TXNL4B: variants seen among roughly 807,000 people sequenced by gnomAD.
TXNL4B encodes the protein thioredoxin-like protein 4B.
In TXNL4B, 12 loss-of-function variants were observed where a neutral mutation model predicts 13.0. That is an observed-to-expected ratio of 0.92 (90% CI 0.59 to 1.49). The LOEUF (loss-of-function observed/expected upper bound fraction) is 1.49. TXNL4B is among the 40% of genes most tolerant of loss of function. The pLI is 0.00. For missense variants in TXNL4B, 214 were observed against 173.6 expected, an observed-to-expected ratio of 1.23 and a Z score of -1.31; for synonymous variants, 59 against 58.9, an observed-to-expected ratio of 1.00 and a Z score of -0.01.
At chr16:72,090,526 C>A in intron 2 of TXNL4B, 92 bp downstream of exon 2, 1 of 1,361,202 alleles carries the variant, frequency 7.3e-7, no homozygotes, top group South Asian at 1.3e-5. Context: ...ATATACCCAA[C>A]CCTGACTACT....
chr16:72,090,942 CTCCTT>C (rs2041895601), intron 1 of TXNL4B, among the ~76,000 whole-genome samples, 156 bp from the exon 2 acceptor site: 1 of 152,192 alleles, frequency 6.6e-6, no homozygotes, highest in Non-Finnish European at 1.5e-5. Context: ...TTTGTCCCTG[CTCCTT>C]GGAACCAGTT....
Position 72,090,691 on chromosome 16 carries a change from C to CT in TXNL4B, c.58dup (p.Ser20LysfsTer4). ...GAGAACCAACACCTTCTCAGCAGTA[C>CT]TTTTTATCGCCTGGTCTACTTCCTT... On this transcript the variant is annotated frameshift_variant, in exon 2 of 4. Transcript: ENST00000268483. LOFTEE classifies it high-confidence loss of function. The CT allele has an allele frequency of 6.2e-7, 1 of 1,614,198 alleles. No individual in the cohort carries two copies. The highest frequency in any genetic ancestry group is 1.3e-5 in the African/African-American group (1 of 75,058).
chr16:72,090,701 C>G lies in TXNL4B; in HGVS notation c.49G>C (p.Ala17Pro). The change falls in exon 2 of 4, where the codon GCG (alanine) becomes CCG (proline). Residue 17 changes from alanine to proline, a missense_variant. Coordinates refer to ENST00000268483, the MANE Select transcript of TXNL4B (RefSeq NM_017853.3). ...KLTSKKEVDQ[A>P]IKSTAEKVLV... ...ACCTTCTCAGCAGTACTTTTTATCG[C>G]CTGGTCTACTTCCTTTTTGCTAGTC... 1 of 1,614,170 alleles carries G rather than the reference C, an allele frequency of 6.2e-7. No individual in the cohort carries two copies. Among genetic ancestry groups the G allele is most frequent in the Non-Finnish European group, 8.5e-7 (1 of 1,180,046 alleles).
chr16:72,091,446 A>G (rs1454374926), intron 1 of TXNL4B, among the ~76,000 whole-genome samples: 1 of 152,188 alleles, frequency 6.6e-6, no homozygotes, highest in African/African-American at 2.4e-5. Context: ...CTGTTGAGGC[A>G]GGCAAACCTC....
chr16:72,090,010 T>C (rs2041879204), intron 2 of TXNL4B: 1 of 444,564 alleles, frequency 2.2e-6, no homozygotes, highest in Non-Finnish European at 4.5e-6. Flanking sequence ...TAGAATCCTC[T>C]GGTCCTTTTT....
At chr16:72,091,775 G>C (rs1177147956) in intron 1 of TXNL4B, among the ~76,000 whole-genome samples, 1 of 152,230 alleles carries the variant, frequency 6.6e-6, no homozygotes, top group Non-Finnish European at 1.5e-5. Flanking sequence ...TTAAGAGTGT[G>C]TGTGAAAACT....
chr16:72,088,387 A>G (rs1054773948), intron 3 of TXNL4B, among the ~76,000 whole-genome samples: 4 of 152,266 alleles, frequency 2.6e-5, no homozygotes, highest in African/African-American at 9.6e-5. Flanking sequence ...GATGCACCCA[A>G]TCATCAATAT....
intron 3 of TXNL4B, chr16:72,087,444 T>C (rs2144098246): frequency 6.6e-6 from 1 of 152,168 alleles, no homozygotes; most frequent in South Asian, 2.1e-4. Context: ...TATGCTTTTT[T>C]CTAGCTGACA....
intron 2 of TXNL4B, among the ~76,000 whole-genome samples, chr16:72,090,340 G>A (rs1287959018): frequency 2.0e-5 from 3 of 152,092 alleles, no homozygotes; most frequent in Non-Finnish European, 4.4e-5. Flanking sequence ...TGAAAAGATA[G>A]TGTTCACAGA....
Position 72,085,197 on chromosome 16 carries a change from C to T in TXNL4B, c.*1440G>A, listed in dbSNP as rs1169359471. Reference sequence around the variant, plus strand: ...TCTCCTGTATGAGCCAAAAGCAAGACTCATGGCACCCCTCCCTGCAGGAAA... The same window carrying T: ...TCTCCTGTATGAGCCAAAAGCAAGATTCATGGCACCCCTCCCTGCAGGAAA... On this transcript the variant is annotated 3_prime_UTR_variant, in exon 4 of 4. Transcript: ENST00000268483. The T allele has an allele frequency of 7.6e-6, 3 of 393,802 alleles. No homozygotes were observed. The East Asian group carries it at 1.1e-4, about 14-fold the overall frequency. The allele number at this position is 393,802 out of a possible 1,614,324, so 24.4% of individuals were successfully genotyped here. A position where few individuals can be genotyped will look rare whatever the true frequency, so the allele number is the denominator to read the frequency against.
At chr16:72,090,019 T>C in intron 2 of TXNL4B, 1 of 447,916 alleles carries the variant, frequency 2.2e-6, no homozygotes, top group South Asian at 1.6e-5. Context: ...CTGGTCCTTT[T>C]TTCCCCAAGC....
intron 3 of TXNL4B, among the ~76,000 whole-genome samples, chr16:72,088,070 C>T (rs763825967): frequency 4.6e-5 from 7 of 152,160 alleles, no homozygotes; most frequent in Non-Finnish European, 8.8e-5. Context: ...CTGCCTGCCT[C>T]GGCTTCCCAA....
intron 1 of TXNL4B, among the ~76,000 whole-genome samples, chr16:72,091,403 G>A (rs958962087): frequency 4.6e-5 from 7 of 152,266 alleles, no homozygotes; most frequent in Admixed American, 3.3e-4. Context: ...TGCAACCACC[G>A]GCTGACTCCA....
At chr16:72,088,873 A>G (rs1222797132) in intron 3 of TXNL4B, 114 bp downstream of exon 3, 2 of 697,852 alleles carry the variant, frequency 2.9e-6, no homozygotes, top group Non-Finnish European at 4.6e-6. Flanking sequence ...TTGGGGAAAC[A>G]GTACTGATAT....
At chr16:72,088,318 G>C (rs763887194) in intron 3 of TXNL4B, among the ~76,000 whole-genome samples, 6 of 152,142 alleles carry the variant, frequency 3.9e-5, no homozygotes, top group Non-Finnish European at 8.8e-5. Flanking sequence ...AGACAAAAAG[G>C]GTACACAGAT....
At chr16:72,090,191 T>C (rs1263476591) in intron 2 of TXNL4B, 3 of 456,472 alleles carry the variant, frequency 6.6e-6, no homozygotes, top group South Asian at 4.6e-5. Context: ...GAAAAGATTA[T>C]TTGCAGCTAC....
intron 2 of TXNL4B, chr16:72,090,224 A>G: frequency 2.2e-6 from 1 of 457,942 alleles, no homozygotes; most frequent in South Asian, 1.5e-5. Context: ...TCAAATCTCA[A>G]CTCTGCAATA....
At chr16:72,088,584 C>T (rs989523040) in intron 3 of TXNL4B, among the ~76,000 whole-genome samples, 2 of 152,170 alleles carry the variant, frequency 1.3e-5, no homozygotes, top group Non-Finnish European at 2.9e-5. Context: ...ACTTACCAGT[C>T]CAAAAGCTTA....
rs1057512003 is a variant in TXNL4B, at chr16:72,085,828, C to G, written c.*809G>C. ...GACCATCTTGGCTAACACGGTGAAA[C>G]TGCGCCTCTATAAAAATACAAAAAA... On this transcript the variant is annotated 3_prime_UTR_variant, in exon 4 of 4. Coordinates refer to ENST00000268483, the MANE Select transcript of TXNL4B (RefSeq NM_017853.3). 6 of 152,178 alleles carry G rather than the reference C, an allele frequency of 3.9e-5. No homozygotes were observed. Among genetic ancestry groups the G allele is most frequent in the African/African-American group, 1.4e-4 (6 of 41,420 alleles). The allele number at this position is 152,178 out of a possible 1,614,324, so 9.4% of individuals were successfully genotyped here.
Sources: allele counts gnomAD v4.1 joint callset (sites outside exome capture counted in the v4.1 genomes callset), GRCh38; gene constraint gnomAD v4.1.1; transcripts MANE v1.5; gene names NCBI Gene and HGNC (gene_info 2026-07-23, HGNC 2026-07-21).